Variants in HECTD4 observed in about 807,000 individuals in gnomAD.
HECTD4 encodes the protein HECT domain E3 ubiquitin protein ligase 4.
Under a neutral mutation model 471.5 loss-of-function variants are expected in HECTD4, and 114 were observed. The observed-to-expected ratio is 0.24, with a 90% CI of 0.21 to 0.28. HECTD4 has a LOEUF of 0.28. Ranked by LOEUF, HECTD4 falls within the 10% of genes least tolerant of loss-of-function variation. The pLI is 1.00. For missense variants in HECTD4, 3,866 were observed against 5,651.5 expected (o/e 0.68, Z 10.13); for synonymous variants, 2,012 against 2,256.0 (o/e 0.89, Z 3.07).
At chr12:112,362,634 G>A (rs1208989439) in intron 1 of HECTD4, among the ~76,000 whole-genome samples, 1 of 152,150 alleles carries the variant, frequency 6.6e-6, no homozygotes, top group African/African-American at 2.4e-5. Context: ...GTTGGTGGTG[G>A]TGGAGGCAGG....
intron 61 of HECTD4, among the ~76,000 whole-genome samples, chr12:112,183,985 C>T (rs1178723832): frequency 1.3e-5 from 2 of 152,226 alleles, no homozygotes; most frequent in Non-Finnish European, 2.9e-5. Context: ...TCTGGCTCCC[C>T]TTTACTTCGT....
intron 14 of HECTD4, 88 bp downstream of exon 14, chr12:112,266,824 A>C (rs2034285035): frequency 1.4e-6 from 1 of 729,784 alleles, no homozygotes; most frequent in Admixed American, 2.3e-5. Flanking sequence ...ATACATGAAG[A>C]AGTGTAAATA....
In HECTD4 at chr12:112,243,099, G is replaced by A. The variant is rs2033679291; in HGVS notation, c.4958+254C>T. Reference sequence around the variant, plus strand: ...TGTGTACAAAAAGAATTATACAGCTGCTTATGCATGTATGGTTGCTGTAAT... The same window carrying A: ...TGTGTACAAAAAGAATTATACAGCTACTTATGCATGTATGGTTGCTGTAAT... On this transcript the variant is annotated intron_variant, in intron 32 of 75. Coordinates refer to ENST00000682272, the MANE Select transcript of HECTD4 (RefSeq NM_001388303.1). The surrounding 1 kb of genome is among the most constrained non-coding windows in gnomAD (Gnocchi z 6.6). Among the ~76,000 whole-genome samples the A allele has an allele frequency of 6.6e-6, 1 of 152,204 alleles. No individual in the cohort carries two copies. Among genetic ancestry groups the A allele is most frequent in the East Asian group, 1.9e-4 (1 of 5,200 alleles).
chr12:112,309,748 A>C (rs2035336913), intron 4 of HECTD4, 79 bp from the exon 5 acceptor site: 1 of 656,616 alleles, frequency 1.5e-6, no homozygotes, highest in Non-Finnish European at 2.5e-6. Flanking sequence ...CTAATGAAAA[A>C]GCCATTAGGA....
chr12:112,296,526 C>A (rs1566102721), intron 7 of HECTD4, among the ~76,000 whole-genome samples: 1 of 150,476 alleles, frequency 6.6e-6, no homozygotes, highest in South Asian at 2.1e-4. Context: ...GGTGTAGGTG[C>A]AGTGGATGTA....
intron 52 of HECTD4, among the ~76,000 whole-genome samples, chr12:112,206,845 C>T (rs2032602637): frequency 6.6e-6 from 1 of 151,900 alleles, no homozygotes; most frequent in African/African-American, 2.4e-5. Flanking sequence ...CTAGAATCTG[C>T]TTTTTTTACA....
chr12:112,250,874 G>C, intron 24 of HECTD4, 97 bp downstream of exon 24: 1 of 1,214,840 alleles, frequency 8.2e-7, no homozygotes, highest in South Asian at 1.6e-5. Context: ...CCAGGCAGTA[G>C]GCACAATCAC....
intron 1 of HECTD4, among the ~76,000 whole-genome samples, chr12:112,372,346 G>A (rs932937763): frequency 6.6e-6 from 1 of 151,890 alleles, no homozygotes; most frequent in Non-Finnish European, 1.5e-5. Flanking sequence ...TGCAAGCTCC[G>A]CCTCCTGGGT....
At chr12:112,205,402 C>G (rs1014878697) in intron 52 of HECTD4, among the ~76,000 whole-genome samples, 2 of 152,124 alleles carry the variant, frequency 1.3e-5, no homozygotes, top group Non-Finnish European at 2.9e-5. Flanking sequence ...CCATTGCACT[C>G]TAGCCTGGGA....
Position 112,306,127 on chromosome 12 carries a change from A to T in HECTD4, c.1272T>A (p.Pro424=). The T allele has an allele frequency of 1.2e-6, 2 of 1,613,210 alleles. No individual in the cohort carries two copies. Among genetic ancestry groups the T allele is most frequent in the South Asian group, 2.2e-5 (2 of 90,924 alleles). The change falls in exon 7 of 76, where the codon CCT becomes CCA. Residue 424 remains proline (P), a synonymous_variant. Coordinates refer to ENST00000682272, the MANE Select transcript of HECTD4 (RefSeq NM_001388303.1). ...DGTYFYWIWS[P]ASLNEKTPKG... is the part of the protein sequence containing the mutation. ...TCGGTGTTTTCTCATTCAGGCTGGCAGGAGACCAGATCCAATAGAAGTAAG... is the reference window on the plus strand; with the variant it reads ...TCGGTGTTTTCTCATTCAGGCTGGCTGGAGACCAGATCCAATAGAAGTAAG...
At chr12:112,342,210 C>G (rs913776638) in intron 1 of HECTD4, among the ~76,000 whole-genome samples, 2 of 152,174 alleles carry the variant, frequency 1.3e-5, no homozygotes, top group African/African-American at 4.8e-5. Flanking sequence ...AATCCTAACA[C>G]CTTGGGAGGC....
At chr12:112,262,028 C>T (rs1456949819) in intron 17 of HECTD4, 2 of 152,016 alleles carry the variant, frequency 1.3e-5, no homozygotes, top group Non-Finnish European at 2.9e-5. Flanking sequence ...TTAGAGAGTT[C>T]GTGGGAGTAC....
rs1029712319 is a variant in HECTD4 at position 112,243,827 on chromosome 12, G to C, written c.4649+47C>G. 4 of 1,610,810 alleles carry C rather than the reference G, an allele frequency of 2.5e-6. No homozygotes were observed. Among genetic ancestry groups the C allele is most frequent in the Non-Finnish European group, 2.5e-6 (3 of 1,177,456 alleles). On this transcript the variant is annotated intron_variant, in intron 30 of 75. Coordinates refer to ENST00000682272, the MANE Select transcript of HECTD4 (RefSeq NM_001388303.1). The surrounding 1 kb of genome is among the most constrained non-coding windows in gnomAD (Gnocchi z 6.6). Reference sequence around the variant, plus strand: ...ACTCAGGGAGCTTGTTTTGATGAATGCATTCAGCTGCATGTGGGAACCCAA... The same window carrying C: ...ACTCAGGGAGCTTGTTTTGATGAATCCATTCAGCTGCATGTGGGAACCCAA...
rs567107195 is a variant in HECTD4 at position 112,301,257 on chromosome 12, C to T, written c.1335+4807G>A. On this transcript the variant is annotated intron_variant, in intron 7 of 75. Coordinates refer to ENST00000682272, the MANE Select transcript of HECTD4 (RefSeq NM_001388303.1). ...GAGTGCAATAGCGCGATCTCAGCTC[C>T]GCCTTGGTGGAGCCTACCAGGTTCA... Among the ~76,000 whole-genome samples, 10 of 150,904 alleles carry T rather than the reference C, an allele frequency of 6.6e-5. 1 individual carries two copies. The South Asian group carries it at 1.1e-3, about 16-fold the overall frequency.
chr12:112,312,910 A>T, intron 4 of HECTD4, 107 bp downstream of exon 4: 3 of 851,102 alleles, frequency 3.5e-6, no homozygotes, highest in Non-Finnish European at 5.3e-6. Flanking sequence ...TGGAGCTCTT[A>T]ATTAAAAGGA....
rs985176922 is a variant in HECTD4 at position 112,213,120 on chromosome 12, G to C, written c.7466-470C>G. Among the ~76,000 whole-genome samples the C allele has an allele frequency of 1.3e-5, 2 of 152,070 alleles. No homozygotes were observed. Among genetic ancestry groups the C allele is most frequent in the African/African-American group, 4.8e-5 (2 of 41,414 alleles). On this transcript the variant is annotated intron_variant, in intron 48 of 75. Transcript: ENST00000682272. This position sits in a 1 kb window ranked among gnomAD's most constrained non-coding sequence, Gnocchi z 4.0. Reference sequence around the variant, plus strand: ...CTAAGTTTTTGTATTTAGATATAAAGTAACATAACAGAAACAACCCATTTA... The same window carrying C: ...CTAAGTTTTTGTATTTAGATATAAACTAACATAACAGAAACAACCCATTTA...
In HECTD4 at chr12:112,179,221, T is replaced by C; in HGVS notation, c.11164A>G (p.Thr3722Ala). 1.9e-6 allele frequency: 3 copies of C among 1,613,798 alleles called. No homozygotes were observed. The highest frequency in any genetic ancestry group is 2.5e-6 in the Non-Finnish European group (3 of 1,179,818). ...TPGNLLHLFF[T>A]NVRPPKKVLE... The stretch of plus-strand genomic sequence containing the variant: ...ACCTTTTTTGGCGGCCGGACATTGG[T>C]GAAGAAGAGGTGGAGGAGGTTGCCT... The change falls in exon 63 of 76, where the codon ACC becomes GCC. Residue 3722 changes from threonine to alanine, a missense_variant. Physicochemically the swap from Thr to Ala is moderately conservative, Grantham distance 58 (BLOSUM62 0). This residue lies in a region of HECTD4 where 715 missense variants were observed against 1,087.6 expected (regional missense o/e 0.66). Transcript: ENST00000682272. This position sits in a 1 kb window ranked among gnomAD's most constrained non-coding sequence, Gnocchi z 4.3.
rs1003225784 is a variant in HECTD4 at position 112,381,507 on chromosome 12, T to A, written c.177+445A>T. Among the ~76,000 whole-genome samples the A allele has an allele frequency of 2.6e-5, 4 of 151,320 alleles. No homozygotes were observed. The highest frequency in any genetic ancestry group is 2.6e-4 in the Admixed American group (4 of 15,238). ...CCAAACCAAACAAAAAAAACAGAACTAGGGAAGAAAAGGATGGGAGGGTAC... is the reference window on the plus strand; with the variant it reads ...CCAAACCAAACAAAAAAAACAGAACAAGGGAAGAAAAGGATGGGAGGGTAC... On this transcript the variant is annotated intron_variant, in intron 1 of 75. Transcript: ENST00000682272. This position sits in a 1 kb window ranked among gnomAD's most constrained non-coding sequence, Gnocchi z 4.1.
Position 112,237,552 on chromosome 12 carries a change from T to G in HECTD4, c.5291-454A>C, listed in dbSNP as rs369425127. 2.6e-5 allele frequency among the ~76,000 whole-genome samples: 4 copies of G among 152,208 alleles called. No homozygotes were observed. In the East Asian group the frequency reaches 5.8e-4, roughly 22 times the overall value. On this transcript the variant is annotated intron_variant, in intron 34 of 75. Coordinates refer to ENST00000682272, the MANE Select transcript of HECTD4 (RefSeq NM_001388303.1). ...TTCCATGCTCTTTTAGATCGCTGAG[T>G]CTACACACGCTGTTTGTTCTGCTCG...
Sources: allele counts gnomAD v4.1 joint callset (sites outside exome capture counted in the v4.1 genomes callset), GRCh38; gene constraint gnomAD v4.1.1; regional missense constraint gnomAD v4.1.1; non-coding constraint Gnocchi (gnomAD v3.1); transcripts MANE v1.5; gene names NCBI Gene and HGNC (gene_info 2026-07-23, HGNC 2026-07-21).